PPTC7: variants seen among roughly 807,000 people sequenced by gnomAD.
PPTC7 encodes the protein protein phosphatase PTC7 homolog.
PPTC7 carries 6 observed loss-of-function variants against 30.8 expected under a neutral mutation model. The observed-to-expected ratio is 0.19, with a 90% CI of 0.11 to 0.38. The LOEUF (loss-of-function observed/expected upper bound fraction) is 0.38, where lower values mean the gene tolerates loss of function less well. Ranked by LOEUF, PPTC7 falls within the 10% of genes least tolerant of loss-of-function variation. The pLI is 1.00. For synonymous variants in PPTC7, 163 were observed against 168.1 expected, an observed-to-expected ratio of 0.97 and a Z score of 0.23; for missense variants, 218 against 404.8, an observed-to-expected ratio of 0.54 and a Z score of 3.96.
chr12:110,542,992 G>T (rs1189903119), intron 3 of PPTC7, among the ~76,000 whole-genome samples: 1 of 152,170 alleles, frequency 6.6e-6, no homozygotes, highest in East Asian at 1.9e-4. Context: ...TCCCTGGGGA[G>T]GGAAAGGTGA....
intron 3 of PPTC7, among the ~76,000 whole-genome samples, chr12:110,542,030 C>T (rs1459866385): frequency 6.6e-6 from 1 of 151,842 alleles, no homozygotes; most frequent in Non-Finnish European, 1.5e-5. Flanking sequence ...CCTATAATCC[C>T]AGCTACTTGG....
At chr12:110,577,714 A>C (rs971077044) in intron 1 of PPTC7, among the ~76,000 whole-genome samples, 5 of 50,208 alleles carry the variant, frequency 1.0e-4, no homozygotes, top group African/African-American at 3.6e-4. Context: ...TTTAGGTTTC[A>C]AGTTTAAGCT....
chr12:110,578,962 G>A (rs544940779), intron 1 of PPTC7, among the ~76,000 whole-genome samples: 2 of 152,130 alleles, frequency 1.3e-5, no homozygotes, highest in East Asian at 1.9e-4. Flanking sequence ...CCTAGGCAAC[G>A]TGGCGAAACC....
At chr12:110,579,423 G>A (rs1258744581) in intron 1 of PPTC7, among the ~76,000 whole-genome samples, 1 of 152,154 alleles carries the variant, frequency 6.6e-6, no homozygotes, top group Non-Finnish European at 1.5e-5. Flanking sequence ...TCAGCTACCA[G>A]TATCTGACTG....
intron 1 of PPTC7, among the ~76,000 whole-genome samples, chr12:110,567,845 T>C (rs1356934452): frequency 6.6e-6 from 1 of 152,212 alleles, no homozygotes; most frequent in Non-Finnish European, 1.5e-5. Context: ...GGTTGCCTCT[T>C]GAGAGGACTT....
At chr12:110,565,388 T>C (rs1161415653) in intron 1 of PPTC7, among the ~76,000 whole-genome samples, 1 of 152,074 alleles carries the variant, frequency 6.6e-6, no homozygotes, top group Non-Finnish European at 1.5e-5. Flanking sequence ...CCTGAGTAGC[T>C]GGGATTACAG....
chr12:110,544,702 C>T (rs976873960), intron 3 of PPTC7, among the ~76,000 whole-genome samples: 4 of 152,144 alleles, frequency 2.6e-5, no homozygotes, highest in Non-Finnish European at 4.4e-5. Context: ...GGCATGGTGG[C>T]GGGCACCTGT....
chr12:110,543,602 T>C (rs1027039650), intron 3 of PPTC7, among the ~76,000 whole-genome samples: 4 of 152,172 alleles, frequency 2.6e-5, no homozygotes, highest in Non-Finnish European at 4.4e-5. Context: ...AAGCTCTGTT[T>C]TATGCTGAGG....
At position 110,536,829 on chromosome 12, in the gene PPTC7, T is replaced by C; in HGVS notation, c.*208A>G. ...GGCCAATCTTCAAATATTGGATCTC[T>C]TCAATTGCTGCCGGCAGATATGAGC... On this transcript the variant is annotated 3_prime_UTR_variant, in exon 6 of 6. Transcript: ENST00000354300. 2.0e-6 allele frequency: 1 copy of C among 500,506 alleles called. No homozygotes were observed. The highest frequency in any genetic ancestry group is 3.5e-6 in the Non-Finnish European group (1 of 284,148). 31.0% of individuals were successfully genotyped at this position (500,506 alleles called of 1,614,324 possible). A position where few individuals can be genotyped will look rare whatever the true frequency, so the allele number is the denominator to read the frequency against.
In PPTC7 at chr12:110,583,042, G is replaced by A; in HGVS notation, c.-11C>T. ...GAGGACCGAGAACATCGCCGCCGCC[G>A]CCCCCCCGAGGAGGCGGGGGGCCGG... is the stretch of plus-strand genomic sequence containing the variant. On this transcript the variant is annotated 5_prime_UTR_variant, in exon 1 of 6. Coordinates refer to ENST00000354300, the MANE Select transcript of PPTC7 (RefSeq NM_139283.2). The A allele has an allele frequency of 1.4e-6, 2 of 1,387,086 alleles. No homozygotes were observed. The highest frequency in any genetic ancestry group is 1.6e-5 in the South Asian group (1 of 60,752). 85.9% of individuals were successfully genotyped at this position (1,387,086 alleles called of 1,614,324 possible).
chr12:110,582,335 G>C (rs2135802716), intron 1 of PPTC7, among the ~76,000 whole-genome samples: 1 of 152,110 alleles, frequency 6.6e-6, no homozygotes, highest in East Asian at 1.9e-4. Flanking sequence ...GGGCTGTCTG[G>C]GGGCTCACGA....
At chr12:110,544,561 C>T (rs144828139) in intron 3 of PPTC7, among the ~76,000 whole-genome samples, 1,686 of 152,298 alleles carry the variant, frequency 0.011, 15 homozygotes, top group Middle Eastern at 0.017. Flanking sequence ...TTTGGCTGGG[C>T]GCAGTGGCTC....
chr12:110,557,564 C>T (rs2064400700), intron 1 of PPTC7, among the ~76,000 whole-genome samples: 1 of 152,176 alleles, frequency 6.6e-6, no homozygotes, highest in South Asian at 2.1e-4. Flanking sequence ...GGGCATGAGC[C>T]ACAGGATCTG....
intron 1 of PPTC7, among the ~76,000 whole-genome samples, chr12:110,574,162 A>T: frequency 6.7e-6 from 1 of 149,260 alleles, no homozygotes; most frequent in Non-Finnish European, 1.5e-5. Context: ...AAAAAAAAAA[A>T]AAAAAAAAAA....
chr12:110,549,873 A>C (rs1465531802), intron 2 of PPTC7, among the ~76,000 whole-genome samples: 10 of 152,148 alleles, frequency 6.6e-5, no homozygotes, highest in Non-Finnish European at 2.9e-5. Context: ...ATCTGTGTCT[A>C]GGGGCTCTCT....
chr12:110,575,925 G>A (rs892566676), intron 1 of PPTC7, among the ~76,000 whole-genome samples: 1 of 152,060 alleles, frequency 6.6e-6, no homozygotes, highest in African/African-American at 2.4e-5. Flanking sequence ...TTATAAAACT[G>A]CAACACACCT....
At position 110,534,723 on chromosome 12, in the gene PPTC7, C is replaced by T. The variant is rs1042546150; in HGVS notation, c.*2314G>A. The stretch of plus-strand genomic sequence containing the variant: ...CACTGTGAAACTCAATTCTTGCCCC[C>T]ACTACTTTCAGTATCACTGGAACAA... On this transcript the variant is annotated 3_prime_UTR_variant, in exon 6 of 6. Coordinates refer to ENST00000354300, the MANE Select transcript of PPTC7 (RefSeq NM_139283.2). 6.6e-6 allele frequency: 1 copy of T among 152,192 alleles called. No individual in the cohort carries two copies. The highest frequency in any genetic ancestry group is 2.4e-5 in the African/African-American group (1 of 41,430). 9.4% of individuals were successfully genotyped at this position (152,192 alleles called of 1,614,324 possible).
intron 1 of PPTC7, among the ~76,000 whole-genome samples, chr12:110,580,713 C>G (rs1419196901): frequency 6.6e-6 from 1 of 152,000 alleles, no homozygotes; most frequent in Non-Finnish European, 1.5e-5. Context: ...AATCATCAAT[C>G]AAGTCACGGA....
At chr12:110,546,165 C>T in intron 2 of PPTC7, 87 bp from the exon 3 acceptor site, 1 of 1,057,688 alleles carries the variant, frequency 9.5e-7, no homozygotes, top group Non-Finnish European at 1.4e-6. Context: ...CAGAGCAACA[C>T]ACCATAATTT....
Sources: gnomAD v4.1 joint callset for allele counts (sites outside exome capture counted in the v4.1 genomes callset) on GRCh38, gnomAD v4.1.1 for gene constraint, MANE v1.5 for transcripts, NCBI Gene and HGNC (gene_info 2026-07-23, HGNC 2026-07-21) for gene names.